Variants in SEMA3D observed in about 807,000 individuals in gnomAD.
SEMA3D encodes semaphorin 3D.
In SEMA3D, 84 loss-of-function variants were observed where a neutral mutation model predicts 100.1. That is an observed-to-expected ratio of 0.84 (90% CI 0.70 to 1.01). SEMA3D has a LOEUF of 1.01. Ranked by LOEUF, SEMA3D falls within the 50% of genes least tolerant of loss-of-function variation. SEMA3D has a pLI of 0.00. For synonymous variants in SEMA3D, 312 were observed against 320.7 expected (o/e 0.97, Z 0.29); for missense variants, 875 against 934.1 (o/e 0.94, Z 0.82).
intron 7 of SEMA3D, 115 bp from the exon 8 acceptor site, chr7:85,065,667 G>A (rs1265919314): frequency 1.4e-6 from 1 of 732,306 alleles, no homozygotes; most frequent in African/African-American, 1.8e-5. Flanking sequence ...ATATCAGAAT[G>A]TATTGTTTCA....
chr7:85,245,726 A>G, the SEMA3D span, among the ~76,000 whole-genome samples: 1 of 152,136 alleles, frequency 6.6e-6, no homozygotes, highest in Non-Finnish European at 1.5e-5. Context: ...ATAAGATTAA[A>G]TGGGTACAAC....
intron 13 of SEMA3D, among the ~76,000 whole-genome samples, chr7:85,021,070 T>C (rs1405302730): frequency 6.6e-6 from 1 of 151,730 alleles, no homozygotes; most frequent in African/African-American, 2.4e-5. Context: ...TTAATTTATA[T>C]AATATAGGCA....
the SEMA3D span, among the ~76,000 whole-genome samples, chr7:85,234,862 T>C: frequency 6.6e-6 from 1 of 151,900 alleles, no homozygotes. Flanking sequence ...GGAGGAAGAG[T>C]CCCTTTGCAT....
intron 3 of SEMA3D, among the ~76,000 whole-genome samples, chr7:85,117,367 T>A (rs1232002754): frequency 6.6e-6 from 1 of 152,164 alleles, no homozygotes; most frequent in African/African-American, 2.4e-5. Context: ...ATATAGTAAT[T>A]GTTTTATTAA....
chr7:85,001,130 T>C (rs974166452), intron 18 of SEMA3D, among the ~76,000 whole-genome samples: 14 of 152,162 alleles, frequency 9.2e-5, no homozygotes, highest in Admixed American at 2.0e-4. Context: ...AACTAACAAG[T>C]ATATGGCAAG....
At chr7:85,112,147 TACAAATCAA>T (rs1328216485) in intron 3 of SEMA3D, among the ~76,000 whole-genome samples, 7 of 152,130 alleles carry the variant, frequency 4.6e-5, no homozygotes, top group African/African-American at 7.2e-5. Flanking sequence ...AACAAATCAA[TACAAATCAA>T]ACAAATCAAA....
intron 2 of SEMA3D, among the ~76,000 whole-genome samples, chr7:85,129,276 G>A (rs759676485): frequency 1.3e-5 from 2 of 152,112 alleles, no homozygotes; most frequent in Non-Finnish European, 2.9e-5. Context: ...GATGCATGAA[G>A]AGAAGAGCAC....
intron 2 of SEMA3D, among the ~76,000 whole-genome samples, chr7:85,123,573 T>C (rs17647420): frequency 0.23 from 35,384 of 151,788 alleles, 4,199 homozygotes; most frequent in African/African-American, 0.26. Flanking sequence ...TCTTGGGAAG[T>C]AAAATAAAAT....
intron 2 of SEMA3D, chr7:85,142,099 T>C: frequency 2.0e-6 from 2 of 984,694 alleles, no homozygotes; most frequent in Non-Finnish European, 2.4e-6. Context: ...CAATGCATTT[T>C]AGTTTTGATG....
chr7:85,035,640 A>T (rs1790673490), intron 12 of SEMA3D, among the ~76,000 whole-genome samples: 1 of 152,060 alleles, frequency 6.6e-6, no homozygotes, highest in Non-Finnish European at 1.5e-5. Flanking sequence ...AGCTAAGAAG[A>T]ATAAGCATTA....
rs1165953881 is a variant in SEMA3D at position 85,147,092 on chromosome 7, C to CTTTTCTTT, written c.-41+6515_-41+6516insAAAGAAAA. Reference sequence around the variant, plus strand: ...TCTTTCTTTCTTTTCTTTTTCTTTTCTTTTTTTTTTTTTTTTTTTTTTTTT... The same window carrying CTTTTCTTT: ...TCTTTCTTTCTTTTCTTTTTCTTTTCTTTTCTTTTTTTTTTTTTTTTTTTTTTTTTTTT... On this transcript the variant is annotated intron_variant, in intron 2 of 18. Coordinates refer to ENST00000284136, the MANE Select transcript of SEMA3D (RefSeq NM_001384900.1). Among the ~76,000 whole-genome samples, 58 of 48,154 alleles carry CTTTTCTTT rather than the reference C, an allele frequency of 1.2e-3. 1 individual carries two copies. The highest frequency in any genetic ancestry group is 1.6e-3 in the Non-Finnish European group (40 of 25,336). The allele number at this position is 48,154 out of a possible 152,430, so 31.6% of individuals were successfully genotyped here.
intron 3 of SEMA3D, among the ~76,000 whole-genome samples, chr7:85,098,306 C>T (rs1351458413): frequency 6.6e-6 from 1 of 151,412 alleles, no homozygotes; most frequent in Non-Finnish European, 1.5e-5. Context: ...GTGAAAAACA[C>T]ACAGTATTAA....
intron 2 of SEMA3D, among the ~76,000 whole-genome samples, chr7:85,143,875 G>A (rs931248922): frequency 2.0e-5 from 3 of 151,626 alleles, no homozygotes; most frequent in Non-Finnish European, 4.4e-5. Context: ...CACACCTGGC[G>A]AATTTTTGTA....
chr7:85,060,381 T>G (rs1004326068), intron 8 of SEMA3D, among the ~76,000 whole-genome samples: 21 of 152,200 alleles, frequency 1.4e-4, no homozygotes, highest in African/African-American at 4.8e-4. Flanking sequence ...GATGTTAGTA[T>G]TTTATGACAG....
chr7:85,248,242 A>T, the SEMA3D span, among the ~76,000 whole-genome samples: 2 of 152,172 alleles, frequency 1.3e-5, no homozygotes, highest in Non-Finnish European at 2.9e-5. Flanking sequence ...GCCAGATGTC[A>T]TCAGTGAAAT....
chr7:85,219,855 G>A, the SEMA3D span, among the ~76,000 whole-genome samples: 1 of 152,188 alleles, frequency 6.6e-6, no homozygotes, highest in South Asian at 2.1e-4. Flanking sequence ...AAGTTATTGT[G>A]TGAAGTGTTT....
intron 9 of SEMA3D, among the ~76,000 whole-genome samples, chr7:85,054,614 T>C (rs1172230067): frequency 1.3e-5 from 2 of 152,140 alleles, no homozygotes; most frequent in South Asian, 2.1e-4. Flanking sequence ...TCAAAAGCCA[T>C]GTTTTCATTA....
At chr7:85,117,796 GTA>G (rs1789286907) in intron 3 of SEMA3D, among the ~76,000 whole-genome samples, 2 of 148,736 alleles carry the variant, frequency 1.3e-5, no homozygotes, top group Non-Finnish European at 3.0e-5. Context: ...ATGTATGTAT[GTA>G]TGTATGTATG....
chr7:85,020,652 G>A (rs1452765692), intron 13 of SEMA3D, among the ~76,000 whole-genome samples: 3 of 151,264 alleles, frequency 2.0e-5, no homozygotes, highest in Admixed American at 6.6e-5. Flanking sequence ...GACCTTAACT[G>A]AAAAAGTTAA....
Sources: allele counts gnomAD v4.1 joint callset (sites outside exome capture counted in the v4.1 genomes callset), GRCh38; gene constraint gnomAD v4.1.1; transcripts MANE v1.5; gene names NCBI Gene and HGNC (gene_info 2026-07-23, HGNC 2026-07-21).